RAD51B: variants seen among roughly 807,000 people sequenced by gnomAD.
RAD51B encodes DNA repair protein RAD51 homolog 2.
RAD51B carries 38 observed loss-of-function variants against 42.2 expected under a neutral mutation model. That is an observed-to-expected ratio of 0.90 (90% CI 0.70 to 1.18). RAD51B has a LOEUF of 1.18. Among genes scored for constraint, RAD51B ranks in the 50% most tolerant of loss-of-function variants. The probability of loss-of-function intolerance (pLI) is 0.00; values close to 1 mark genes in which losing one functional copy is unlikely to be tolerated. For synonymous variants in RAD51B, 154 were observed against 145.2 expected, an observed-to-expected ratio of 1.06 and a Z score of -0.43; for missense variants, 373 against 400.7, an observed-to-expected ratio of 0.93 and a Z score of 0.59.
chr14:68,310,151 G>A (rs1566799869), intron 8 of RAD51B, among the ~76,000 whole-genome samples: 4 of 152,068 alleles, frequency 2.6e-5, no homozygotes, highest in Admixed American at 2.0e-4. Flanking sequence ...TCTGATAGAC[G>A]GCTCCTGGGA....
At chr14:68,323,990 A>G (rs1367654396) in intron 8 of RAD51B, among the ~76,000 whole-genome samples, 1 of 152,228 alleles carries the variant, frequency 6.6e-6, no homozygotes, top group Non-Finnish European at 1.5e-5. Context: ...AAGCTAAAAG[A>G]CAGCCAAGAA....
intron 7 of RAD51B, among the ~76,000 whole-genome samples, chr14:68,077,839 C>T (rs995715203): frequency 2.6e-5 from 4 of 152,190 alleles, no homozygotes; most frequent in Non-Finnish European, 5.9e-5. Flanking sequence ...GCCTGTAATC[C>T]CAGCTACTGG....
At chr14:68,241,136 C>T (rs1322977288) in intron 7 of RAD51B, among the ~76,000 whole-genome samples, 3 of 152,230 alleles carry the variant, frequency 2.0e-5, no homozygotes, top group African/African-American at 7.2e-5. Flanking sequence ...CGTGTGTATT[C>T]TTTCCTATTG....
At chr14:68,380,437 A>G (rs1486818890) in intron 8 of RAD51B, among the ~76,000 whole-genome samples, 1 of 152,198 alleles carries the variant, frequency 6.6e-6, no homozygotes, top group Non-Finnish European at 1.5e-5. Flanking sequence ...AGCAGGCCCC[A>G]GATGGTTAGA....
intron 7 of RAD51B, among the ~76,000 whole-genome samples, chr14:68,048,717 G>A (rs1172272794): frequency 6.6e-6 from 1 of 152,212 alleles, no homozygotes; most frequent in African/African-American, 2.4e-5. Flanking sequence ...AACAGGTGCT[G>A]GAGAGGATGT....
At chr14:67,871,457 C>T (rs576447644) in intron 5 of RAD51B, among the ~76,000 whole-genome samples, 6 of 152,228 alleles carry the variant, frequency 3.9e-5, no homozygotes, top group South Asian at 4.1e-4. Context: ...AGCTTACCAA[C>T]CAAAAAGAGT....
At chr14:67,944,097 G>T (rs2045301845) in intron 7 of RAD51B, among the ~76,000 whole-genome samples, 1 of 152,064 alleles carries the variant, frequency 6.6e-6, no homozygotes, top group Admixed American at 6.6e-5. Flanking sequence ...CAGCCAGGGG[G>T]AGTGGGGGCA....
chr14:67,951,815 G>A (rs932452867), intron 7 of RAD51B, among the ~76,000 whole-genome samples: 2 of 152,110 alleles, frequency 1.3e-5, no homozygotes, highest in African/African-American at 4.8e-5. Context: ...ATGGCTTAGT[G>A]TTTATTTGCA....
intron 7 of RAD51B, among the ~76,000 whole-genome samples, chr14:68,160,060 A>C (rs2140816759): frequency 6.9e-6 from 1 of 145,084 alleles, no homozygotes; most frequent in Non-Finnish European, 1.5e-5. Flanking sequence ...TAAAAAAAAA[A>C]ATCACCCTCA....
At chr14:68,652,673 A>C (rs1465492314) in intron 11 of RAD51B, among the ~76,000 whole-genome samples, 1 of 152,208 alleles carries the variant, frequency 6.6e-6, no homozygotes, top group African/African-American at 2.4e-5. Flanking sequence ...GTGTTACTGG[A>C]AAATATGTTA....
At chr14:68,648,396 T>C (rs1393642283) in intron 10 of RAD51B, among the ~76,000 whole-genome samples, 1 of 147,760 alleles carries the variant, frequency 6.8e-6, no homozygotes, top group Non-Finnish European at 1.5e-5. Flanking sequence ...TCTCATCCTT[T>C]AAACTTTTAA....
At chr14:68,111,175 T>C (rs431649) in intron 7 of RAD51B, among the ~76,000 whole-genome samples, 44,361 of 151,990 alleles carry the variant, frequency 0.29, 9,212 homozygotes, top group African/African-American at 0.59. Flanking sequence ...GGCAGGACAG[T>C]AACATTTCAG....
chr14:67,989,520 C>T (rs543812971), intron 7 of RAD51B, among the ~76,000 whole-genome samples: 1 of 151,856 alleles, frequency 6.6e-6, no homozygotes, highest in East Asian at 1.9e-4. Context: ...TGCCAGTAAT[C>T]CCAGCTACTC....
In RAD51B at chr14:68,083,067, T is replaced by C. The variant is rs184534757; in HGVS notation, c.756+195863T>C. The stretch of plus-strand genomic sequence containing the variant: ...TTCAACTTTTAACCTGTGATTTCAG[T>C]TATTGTGACATATCCTATGTTTCAA... On this transcript the variant is annotated intron_variant, in intron 7 of 10. Transcript: ENST00000471583. 6.2e-4 allele frequency among the ~76,000 whole-genome samples: 95 copies of C among 152,332 alleles called. 1 individual carries two copies. The highest frequency in any genetic ancestry group is 1.9e-3 in the African/African-American group (77 of 41,576).
At chr14:68,066,766 A>G (rs1211631715) in intron 7 of RAD51B, among the ~76,000 whole-genome samples, 1 of 152,108 alleles carries the variant, frequency 6.6e-6, no homozygotes, top group Non-Finnish European at 1.5e-5. Flanking sequence ...TAAAATATAA[A>G]ACAATAAAAA....
At chr14:68,476,589 C>G (rs1882631682) in intron 10 of RAD51B, among the ~76,000 whole-genome samples, 1 of 152,206 alleles carries the variant, frequency 6.6e-6, no homozygotes, top group Middle Eastern at 3.2e-3. Flanking sequence ...GCTTTACAAA[C>G]TTCAAGGATA....
chr14:67,913,201 A>G (rs1249748022), intron 7 of RAD51B, among the ~76,000 whole-genome samples: 2 of 152,146 alleles, frequency 1.3e-5, no homozygotes, highest in African/African-American at 4.8e-5. Flanking sequence ...CTGTCACCCT[A>G]GTTTTACCTA....
intron 7 of RAD51B, among the ~76,000 whole-genome samples, chr14:68,159,208 TA>T (rs1566691551): frequency 6.6e-6 from 1 of 152,140 alleles, no homozygotes; most frequent in Non-Finnish European, 1.5e-5. Context: ...TGTGTCTGTT[TA>T]GGGGGGTTAT....
chr14:68,222,067 G>A (rs766500652), intron 7 of RAD51B, among the ~76,000 whole-genome samples: 18 of 152,208 alleles, frequency 1.2e-4, no homozygotes, highest in Non-Finnish European at 2.5e-4. Flanking sequence ...GCGGTGAAAA[G>A]GGAACACTTT....
Sources: allele counts gnomAD v4.1 joint callset (sites outside exome capture counted in the v4.1 genomes callset), GRCh38; gene constraint gnomAD v4.1.1; transcripts MANE v1.5; gene names NCBI Gene and HGNC (gene_info 2026-07-23, HGNC 2026-07-21).